Variants in RFX1 observed in about 807,000 individuals in gnomAD.
RFX1 encodes MHC class II regulatory factor RFX1.
In RFX1, 42 loss-of-function variants were observed where a neutral mutation model predicts 119.6. The observed-to-expected ratio is 0.35, with a 90% CI of 0.27 to 0.45. The LOEUF (loss-of-function observed/expected upper bound fraction) is 0.45. Among genes scored for constraint, RFX1 ranks in the 20% least tolerant of loss-of-function variants. The pLI is 1.00. For synonymous variants in RFX1, 628 were observed against 618.5 expected (o/e 1.02, Z -0.23); for missense variants, 1,118 against 1,368.1 (o/e 0.82, Z 2.88).
chr19:13,972,354 C>T (rs920513375), intron 9 of RFX1, among the ~76,000 whole-genome samples: 8 of 151,912 alleles, frequency 5.3e-5, no homozygotes, highest in East Asian at 3.9e-4. Flanking sequence ...CCACCATGCC[C>T]GGCTAATTTT....
intron 1 of RFX1, among the ~76,000 whole-genome samples, chr19:13,994,973 T>C (rs1466120350): frequency 7.3e-6 from 1 of 137,174 alleles, no homozygotes; most frequent in Non-Finnish European, 1.5e-5. Context: ...CTCATTATCA[T>C]GCCCAGTCTG....
intron 1 of RFX1, among the ~76,000 whole-genome samples, chr19:13,994,979 G>A (rs925976061): frequency 8.1e-5 from 11 of 136,428 alleles, no homozygotes; most frequent in African/African-American, 3.1e-4. Context: ...ATCATGCCCA[G>A]TCTGGTCTTG....
rs906125070 is a variant in RFX1, at chr19:13,968,478, G to C, written c.1732+87C>G. ...CTCACCAAGCCCTCCCCAGCTCAGA[G>C]GCTGCCTGCCGCCATCCAGCTTTGG... On this transcript the variant is annotated intron_variant, in intron 12 of 20. Transcript: ENST00000254325. The surrounding 1 kb of genome is among the most constrained non-coding windows in gnomAD (Gnocchi z 5.5). 6.1e-5 allele frequency: 67 copies of C among 1,096,154 alleles called. No homozygotes were observed. The highest frequency in any genetic ancestry group is 1.0e-4 in the Admixed American group (6 of 58,178). The allele number at this position is 1,096,154 out of a possible 1,614,324, so 67.9% of individuals were successfully genotyped here.
chr19:13,973,277 A>G, intron 8 of RFX1, 150 bp from the exon 9 acceptor site: 1 of 648,510 alleles, frequency 1.5e-6, no homozygotes. Context: ...TTCATCTACA[A>G]CGGACTGGGT....
upstream of RFX1, chr19:14,006,478 A>C (rs1975386548): frequency 6.6e-6 from 1 of 152,218 alleles, no homozygotes; most frequent in South Asian, 2.1e-4. Context: ...GATCTGATTT[A>C]TCAGTATGAA....
Position 13,982,198 on chromosome 19 carries a change from T to A in RFX1, c.544A>T (p.Ser182Cys). The A allele has an allele frequency of 7.6e-7, 1 of 1,311,968 alleles. No individual in the cohort carries two copies. The highest frequency in any genetic ancestry group is 2.8e-5 in the East Asian group (1 of 35,674). The allele number at this position is 1,311,968 out of a possible 1,614,324, so 81.3% of individuals were successfully genotyped here. The change falls in exon 5 of 21, where the codon AGC becomes TGC. Residue 182 changes from serine to cysteine, a missense_variant. Transcript: ENST00000254325. Reference sequence around the variant, plus strand: ...CCACCTTTGCTGCCTGGGGCTGCGCTCTGCACCACCAGACGCTGCGTGGGA... The same window carrying A: ...CCACCTTTGCTGCCTGGGGCTGCGCACTGCACCACCAGACGCTGCGTGGGA... ...ALPTQRLVVQ[S>C]AAPGSKGGQV...
chr19:13,979,747 A>G (rs1265035592), intron 6 of RFX1, among the ~76,000 whole-genome samples: 1 of 152,090 alleles, frequency 6.6e-6, no homozygotes, highest in East Asian at 1.9e-4. Flanking sequence ...TGAACCTGGG[A>G]CTAACTTCGG....
intron 3 of RFX1, 55 bp from the exon 4 acceptor site, chr19:13,983,325 C>T (rs1400876739): frequency 4.8e-6 from 7 of 1,450,966 alleles, no homozygotes; most frequent in Non-Finnish European, 5.6e-6. Context: ...GGAGGCCTGG[C>T]GTGGTTGGGT....
chr19:13,963,909 C>G lies in RFX1; in HGVS notation c.2310G>C (p.Gln770His). 6.5e-7 allele frequency: 1 copy of G among 1,549,266 alleles called. No homozygotes were observed. Reference protein sequence around the residue: ...AARAVLQNTAQINQMLSDLNR... With the variant: ...AARAVLQNTAHINQMLSDLNR... Reference sequence around the variant, plus strand: ...TGAGGTCGCTCAGCATCTGGTTGATCTGTGCGGTGTTCTGCAGCACAGCGC... The same window carrying G: ...TGAGGTCGCTCAGCATCTGGTTGATGTGTGCGGTGTTCTGCAGCACAGCGC... The change falls in exon 17 of 21, where the codon CAG becomes CAC. Residue 770 changes from glutamine to histidine, a missense_variant. By Grantham distance (24) the Gln-to-His change is conservative. Transcript: ENST00000254325.
In RFX1 at chr19:13,970,120, C is replaced by G. The variant is rs762357137; in HGVS notation, c.1370G>C (p.Ser457Thr). 1 of 1,613,884 alleles carries G rather than the reference C, an allele frequency of 6.2e-7. No homozygotes were observed. The highest frequency in any genetic ancestry group is 1.1e-5 in the South Asian group (1 of 91,076). The change falls in exon 10 of 21, where the codon AGC becomes ACC. Residue 457 changes from serine (S) to threonine (T), a missense_variant. Coordinates refer to ENST00000254325, the MANE Select transcript of RFX1 (RefSeq NM_002918.5). ...CAGTAAGTAGTGGCAGTAGAGGGTGCTCCGTGGCAGACTCACGCCCTCAGC... is the reference window on the plus strand; with the variant it reads ...CAGTAAGTAGTGGCAGTAGAGGGTGGTCCGTGGCAGACTCACGCCCTCAGC... The part of the protein sequence containing the change: ...ETAEGVSLPR[S>T]TLYCHYLLHC...
rs1461484581 is a variant in RFX1, at chr19:13,993,669, G to C, written c.175C>G (p.Gln59Glu). The C allele has an allele frequency of 8.2e-6, 13 of 1,594,922 alleles. No homozygotes were observed. The highest frequency in any genetic ancestry group is 1.1e-5 in the Non-Finnish European group (13 of 1,170,092). Residue 59 changes from glutamine (Q) to glutamate (E), a missense_variant, in exon 2 of 21, where the codon CAG becomes GAG. Physicochemically the swap from Gln to Glu is conservative, Grantham distance 29. This residue lies in a region of RFX1 where 542 missense variants were observed against 602.7 expected (regional missense o/e 0.90). Transcript: ENST00000254325. Reference protein sequence around the residue: ...TPQPQYVTELQSPQPQAQPPG... With the variant: ...TPQPQYVTELESPQPQAQPPG... ...GGCTGTGCCTGGGGCTGGGGGCTCT[G>C]CAGCTCGGTGACATATTGGGGCTGA...
rs1368591978 is a variant in RFX1 at position 13,985,661 on chromosome 19, C to T, written c.320-2066G>A. The stretch of plus-strand genomic sequence containing the variant: ...TCACTGGTTCTGCCTGGGCTGCGCC[C>T]CAAGGGCAGTGATGTGTGAACTTGG... On this transcript the variant is annotated intron_variant, in intron 2 of 20. Transcript: ENST00000254325. This position sits in a 1 kb window ranked among gnomAD's most constrained non-coding sequence, Gnocchi z 4.3. Among the ~76,000 whole-genome samples, 4 of 152,202 alleles carry T rather than the reference C, an allele frequency of 2.6e-5. No individual in the cohort carries two copies. Among genetic ancestry groups the T allele is most frequent in the Non-Finnish European group, 4.4e-5 (3 of 68,030 alleles).
In RFX1 at chr19:13,993,741, G is replaced by T; in HGVS notation, c.103C>A (p.Pro35Thr). ...GGCTGCGGGGGCTGGGGTGCCGCTGGGGGTGGTGGCGGTGGCGGCTGGGGC... is the reference window on the plus strand; with the variant it reads ...GGCTGCGGGGGCTGGGGTGCCGCTGTGGGTGGTGGCGGTGGCGGCTGGGGC... ...AQPQPPPPPP[P>T]AAPQPPQPPT... The change falls in exon 2 of 21, where the codon CCA becomes ACA. Residue 35 changes from proline to threonine, a missense_variant. Around this residue, in one of 5 missense-constraint regions of RFX1, gnomAD observed 542 missense variants for 602.7 expected, o/e 0.90. Coordinates refer to ENST00000254325, the MANE Select transcript of RFX1 (RefSeq NM_002918.5). 1.3e-6 allele frequency: 2 copies of T among 1,596,146 alleles called. No homozygotes were observed. Among genetic ancestry groups the T allele is most frequent in the Non-Finnish European group, 1.7e-6 (2 of 1,172,176 alleles).
chr19:13,997,435 C>G (rs1164122413), intron 1 of RFX1, among the ~76,000 whole-genome samples: 1 of 152,236 alleles, frequency 6.6e-6, no homozygotes, highest in Non-Finnish European at 1.5e-5. Context: ...GCTGAGGGTT[C>G]AAGCTGATCC....
chr19:13,990,953 T>C lies in RFX1; in HGVS notation c.319+2572A>G. On this transcript the variant is annotated intron_variant, in intron 2 of 20. Coordinates refer to ENST00000254325, the MANE Select transcript of RFX1 (RefSeq NM_002918.5). This position sits in a 1 kb window ranked among gnomAD's most constrained non-coding sequence, Gnocchi z 4.1. ...ATGATTGCACCATTGCACTCCAGCC[T>C]GGGCGACAGAGCAAGACCCTGTCTC... 6.6e-6 allele frequency among the ~76,000 whole-genome samples: 1 copy of C among 152,200 alleles called. No homozygotes were observed. Among genetic ancestry groups the C allele is most frequent in the Non-Finnish European group, 1.5e-5 (1 of 68,022 alleles).
Position 13,968,732 on chromosome 19 carries a change from C to T in RFX1, c.1616+43G>A, listed in dbSNP as rs754579828. ...GCTGCTGGGGGCCGGCCTGTGTGCC[C>T]TTCCCCGCCTGCCCTGCCCTGGGTC... On this transcript the variant is annotated intron_variant, in intron 11 of 20. Transcript: ENST00000254325. The surrounding 1 kb of genome is among the most constrained non-coding windows in gnomAD (Gnocchi z 5.5). 40 of 1,607,572 alleles carry T rather than the reference C, an allele frequency of 2.5e-5. No homozygotes were observed. Among genetic ancestry groups the T allele is most frequent in the Non-Finnish European group, 3.2e-5 (38 of 1,177,736 alleles).
chr19:13,994,817 T>C (rs1054221875), intron 1 of RFX1, among the ~76,000 whole-genome samples: 2 of 145,784 alleles, frequency 1.4e-5, no homozygotes, highest in African/African-American at 5.1e-5. Flanking sequence ...ATAGTATATA[T>C]ATACACACAC....
At chr19:13,972,109 C>T (rs1045047665) in intron 9 of RFX1, among the ~76,000 whole-genome samples, 3 of 143,608 alleles carry the variant, frequency 2.1e-5, no homozygotes, top group African/African-American at 7.9e-5. Flanking sequence ...TTTGAGGCTG[C>T]AGTGAGCTAT....
rs924225385 is a variant in RFX1 at position 13,966,002 on chromosome 19, C to T, written c.1962-225G>A. On this transcript the variant is annotated intron_variant, in intron 14 of 20. Coordinates refer to ENST00000254325, the MANE Select transcript of RFX1 (RefSeq NM_002918.5). The surrounding 1 kb of genome is among the most constrained non-coding windows in gnomAD (Gnocchi z 6.3). ...CCAGAAGGCACAGGTATACCTTGTC[C>T]CCAACCCAGGGTCACTGGGGGCACT... Among the ~76,000 whole-genome samples, 14 of 152,004 alleles carry T rather than the reference C, an allele frequency of 9.2e-5. No individual in the cohort carries two copies. The highest frequency in any genetic ancestry group is 3.4e-4 in the African/African-American group (14 of 41,376).
Sources: gnomAD v4.1 joint callset for allele counts (sites outside exome capture counted in the v4.1 genomes callset) on GRCh38, gnomAD v4.1.1 for gene constraint, gnomAD v4.1.1 regional missense constraint, Gnocchi (gnomAD v3.1) non-coding constraint, MANE v1.5 for transcripts, NCBI Gene and HGNC (gene_info 2026-07-23, HGNC 2026-07-21) for gene names.